WDR70: variants seen among roughly 807,000 people sequenced by gnomAD.
WDR70 encodes WD repeat domain 70.
A neutral mutation model predicts 88.6 loss-of-function variants in WDR70; 53 were observed. The observed-to-expected ratio is 0.60, with a 90% CI of 0.48 to 0.75. The LOEUF (loss-of-function observed/expected upper bound fraction) is 0.75. Ranked by LOEUF, WDR70 falls within the 30% of genes least tolerant of loss-of-function variation. The pLI, the probability that WDR70 is intolerant of heterozygous loss-of-function variation, is 0.00. For missense variants in WDR70, 610 were observed against 823.2 expected (o/e 0.74, Z 3.17); for synonymous variants, 280 against 270.0 (o/e 1.04, Z -0.36).
intron 9 of WDR70, among the ~76,000 whole-genome samples, chr5:37,540,450 C>T (rs1449374073): frequency 6.6e-6 from 1 of 152,176 alleles, no homozygotes; most frequent in Non-Finnish European, 1.5e-5. Context: ...GGCACAATCT[C>T]GGCTCACTGC....
Position 37,546,868 on chromosome 5 carries a change from G to C in WDR70, c.917+30278G>C, listed in dbSNP as rs2015590. Among the ~76,000 whole-genome samples the C allele has an allele frequency of 4.3e-4, 65 of 151,468 alleles. No individual in the cohort carries two copies. The South Asian group carries it at 0.013, about 31-fold the overall frequency. On this transcript the variant is annotated intron_variant, in intron 9 of 17. Transcript: ENST00000265107. ...GGGAGGCAGAGTTGCAGTGAGCTGA[G>C]ACCATGCCACTGCACTCCAGCCTGG... is the stretch of plus-strand genomic sequence containing the variant.
At position 37,752,629 on chromosome 5, in the gene WDR70, GTT is replaced by G; in HGVS notation, c.*65_*66del. 5.3e-6 allele frequency: 6 copies of G among 1,132,570 alleles called. No homozygotes were observed. The highest frequency in any genetic ancestry group is 2.7e-5 in the Admixed American group (1 of 36,870). 70.2% of individuals were successfully genotyped at this position (1,132,570 alleles called of 1,614,324 possible). On this transcript the variant is annotated 3_prime_UTR_variant, in exon 18 of 18. Transcript: ENST00000265107. ...TGGGAGGGGTATGGGACAGGTTTGG[GTT>G]TTTTTTTTATGCTCATGAAATTAAA...
chr5:37,386,179 G>A (rs943014496), intron 3 of WDR70, among the ~76,000 whole-genome samples: 4 of 152,020 alleles, frequency 2.6e-5, no homozygotes, highest in East Asian at 3.9e-4. Flanking sequence ...CTCAAACGAT[G>A]GACAAAGACA....
intron 9 of WDR70, among the ~76,000 whole-genome samples, chr5:37,563,060 G>GC: frequency 1.2e-5 from 1 of 84,048 alleles, no homozygotes; most frequent in African/African-American, 4.6e-5. Context: ...GGACGGGGCG[G>GC]CTGGCCGGGC....
chr5:37,395,501 G>T (rs761991383), intron 4 of WDR70, among the ~76,000 whole-genome samples: 30 of 152,264 alleles, frequency 2.0e-4, no homozygotes, highest in Middle Eastern at 3.4e-3. Context: ...GGACACCCCT[G>T]GTTAGAGTAT....
chr5:37,556,010 C>T (rs909631379), intron 9 of WDR70, among the ~76,000 whole-genome samples: 4 of 152,122 alleles, frequency 2.6e-5, no homozygotes, highest in East Asian at 3.9e-4. Flanking sequence ...TGAGCTATTG[C>T]ACCCAGCCAA....
intron 7 of WDR70, among the ~76,000 whole-genome samples, chr5:37,475,607 CTT>C (rs954749799): frequency 6.6e-6 from 1 of 152,122 alleles, no homozygotes; most frequent in Non-Finnish European, 1.5e-5. Context: ...TTTAGTAAGT[CTT>C]TGTGAAATAT....
Position 37,698,404 on chromosome 5 carries a change from C to T in WDR70, c.1192+650C>T, listed in dbSNP as rs1003243972. ...ACATAGCTGAAGATTTTCCTACAGA[C>T]CTATTTGTGGGGAGAGAAAAGAAAT... On this transcript the variant is annotated intron_variant, in intron 11 of 17. Coordinates refer to ENST00000265107, the MANE Select transcript of WDR70 (RefSeq NM_018034.4). Among the ~76,000 whole-genome samples the T allele has an allele frequency of 2.0e-5, 3 of 152,080 alleles. No individual in the cohort carries two copies. In the South Asian group the frequency reaches 6.2e-4, roughly 32 times the overall value.
At chr5:37,473,579 G>T (rs1446973900) in intron 7 of WDR70, among the ~76,000 whole-genome samples, 4 of 152,054 alleles carry the variant, frequency 2.6e-5, no homozygotes, top group African/African-American at 9.7e-5. Context: ...CCTGAGCTCA[G>T]GTGATCTGCC....
At chr5:37,466,808 T>C (rs1258880249) in intron 7 of WDR70, among the ~76,000 whole-genome samples, 1 of 151,916 alleles carries the variant, frequency 6.6e-6, no homozygotes, top group Non-Finnish European at 1.5e-5. Context: ...GCTAACATAA[T>C]GGATAGCACA....
chr5:37,681,072 A>C (rs918425939), intron 10 of WDR70, among the ~76,000 whole-genome samples: 5 of 152,144 alleles, frequency 3.3e-5, no homozygotes, highest in African/African-American at 1.2e-4. Flanking sequence ...ATCCATGAGC[A>C]TGGAATGTTT....
chr5:37,440,352 C>CT (rs397747138), intron 6 of WDR70, among the ~76,000 whole-genome samples: 2,546 of 147,248 alleles, frequency 0.017, 63 homozygotes, highest in African/African-American at 0.058. Flanking sequence ...GAACAAGACA[C>CT]TTTTTTTTTT....
intron 13 of WDR70, among the ~76,000 whole-genome samples, chr5:37,718,740 C>T (rs1430100477): frequency 6.6e-6 from 1 of 152,098 alleles, no homozygotes; most frequent in Non-Finnish European, 1.5e-5. Context: ...CAAAGCAATC[C>T]ATTTAGGCAT....
intron 3 of WDR70, among the ~76,000 whole-genome samples, chr5:37,389,381 A>G (rs1197700701): frequency 6.6e-6 from 1 of 151,382 alleles, no homozygotes; most frequent in Non-Finnish European, 1.5e-5. Flanking sequence ...GGTGTGAACC[A>G]TCACGCCCGG....
intron 5 of WDR70, among the ~76,000 whole-genome samples, chr5:37,427,689 C>T (rs924369371): frequency 1.3e-5 from 2 of 151,958 alleles, no homozygotes; most frequent in Non-Finnish European, 2.9e-5. Context: ...GAGTTCGAGA[C>T]CAGCCTGGCC....
intron 2 of WDR70, among the ~76,000 whole-genome samples, chr5:37,380,218 C>G (rs1748382423): frequency 6.6e-6 from 1 of 152,252 alleles, no homozygotes; most frequent in Non-Finnish European, 1.5e-5. Flanking sequence ...AACCTTTTCT[C>G]AAGGTCTTCT....
chr5:37,514,380 A>AT (rs1295070619), intron 8 of WDR70, among the ~76,000 whole-genome samples: 16 of 14,148 alleles, frequency 1.1e-3, no homozygotes, highest in East Asian at 4.6e-3. Flanking sequence ...ATGTTTATGT[A>AT]TTTTTTTTTC....
intron 5 of WDR70, 86 bp downstream of exon 5, chr5:37,396,656 T>C: frequency 7.0e-7 from 1 of 1,437,512 alleles, no homozygotes; most frequent in Non-Finnish European, 9.1e-7. Flanking sequence ...TTTTCATGAG[T>C]AAGAGCCAAT....
chr5:37,393,394 T>A (rs1243951559), intron 4 of WDR70, among the ~76,000 whole-genome samples: 4 of 152,210 alleles, frequency 2.6e-5, no homozygotes, highest in Non-Finnish European at 4.4e-5. Flanking sequence ...TGATTTTTTT[T>A]ATTTCCTCTA....
Sources: allele counts gnomAD v4.1 joint callset (sites outside exome capture counted in the v4.1 genomes callset), GRCh38; gene constraint gnomAD v4.1.1; transcripts MANE v1.5; gene names NCBI Gene and HGNC (gene_info 2026-07-23, HGNC 2026-07-21).